The following PGCKA1 variants were observed in gnomAD, a reference collection of about 807,000 sequenced individuals.
PGCKA1 encodes the protein PDCD10 and GCKIII kinases associated 1.
chr4:37,590,968 A>G, the PGCKA1 span: 4 of 1,613,212 alleles, frequency 2.5e-6, no homozygotes, highest in Non-Finnish European at 3.4e-6. Context: ...AGAAGCTGCT[A>G]CTGCAGGAGA....
the PGCKA1 span, among the ~76,000 whole-genome samples, chr4:37,574,491 A>G: frequency 6.6e-5 from 10 of 152,170 alleles, no homozygotes; most frequent in Non-Finnish European, 1.3e-4. Flanking sequence ...TACATGGTAT[A>G]TATATTTATG....
chr4:37,490,369 TTG>T, the PGCKA1 span, among the ~76,000 whole-genome samples: 2 of 152,136 alleles, frequency 1.3e-5, no homozygotes, highest in Non-Finnish European at 2.9e-5. Context: ...TACTTTCATA[TTG>T]GTATTTTTAA....
chr4:37,516,205 T>C, the PGCKA1 span, among the ~76,000 whole-genome samples: 1 of 152,250 alleles, frequency 6.6e-6, no homozygotes, highest in Non-Finnish European at 1.5e-5. Context: ...ATCTAAATCT[T>C]GTTCCTCTGA....
At chr4:37,454,497 C>T in the PGCKA1 span, among the ~76,000 whole-genome samples, 5 of 152,208 alleles carry the variant, frequency 3.3e-5, no homozygotes, top group Non-Finnish European at 7.3e-5. Flanking sequence ...AATGTGACCT[C>T]TGCTGTTTCT....
the PGCKA1 span, among the ~76,000 whole-genome samples, chr4:37,527,784 C>A: frequency 2.8e-3 from 426 of 151,290 alleles, 3 homozygotes; most frequent in African/African-American, 9.9e-3. Context: ...GAGCCGAGAT[C>A]GCACCACTGC....
At chr4:37,478,490 G>A in the PGCKA1 span, among the ~76,000 whole-genome samples, 6 of 152,150 alleles carry the variant, frequency 3.9e-5, no homozygotes, top group Non-Finnish European at 7.3e-5. Flanking sequence ...CCAAACAGAG[G>A]TTGGCCCTTA....
At chr4:37,560,318 T>C in the PGCKA1 span, among the ~76,000 whole-genome samples, 2 of 152,188 alleles carry the variant, frequency 1.3e-5, no homozygotes, top group African/African-American at 4.8e-5. Flanking sequence ...CCTAACCTTT[T>C]AGTGCAGGCT....
At chr4:37,483,312 G>T in the PGCKA1 span, among the ~76,000 whole-genome samples, 1 of 152,146 alleles carries the variant, frequency 6.6e-6, no homozygotes, top group Non-Finnish European at 1.5e-5. Flanking sequence ...CCCAGTCTCG[G>T]ATATGTCTTT....
At chr4:37,526,878 AT>A in the PGCKA1 span, among the ~76,000 whole-genome samples, 2 of 152,204 alleles carry the variant, frequency 1.3e-5, no homozygotes, top group African/African-American at 4.8e-5. Flanking sequence ...AAAAAAGTTG[AT>A]TGTAAAACAG....
At chr4:37,583,488 G>A in the PGCKA1 span, among the ~76,000 whole-genome samples, 1 of 151,608 alleles carries the variant, frequency 6.6e-6, no homozygotes, top group African/African-American at 2.4e-5. Flanking sequence ...CCAGGCTGGA[G>A]TGCAGTGGTG....
At chr4:37,487,771 C>T in the PGCKA1 span, among the ~76,000 whole-genome samples, 6 of 150,222 alleles carry the variant, frequency 4.0e-5, no homozygotes, top group Non-Finnish European at 8.8e-5. Flanking sequence ...TGTATGATTA[C>T]ATATATACAT....
At chr4:37,510,024 TG>T in the PGCKA1 span, among the ~76,000 whole-genome samples, 1 of 151,732 alleles carries the variant, frequency 6.6e-6, no homozygotes, top group African/African-American at 2.4e-5. Flanking sequence ...GGAGAGGGGT[TG>T]CATTTTTAAG....
At chr4:37,537,238 C>G in the PGCKA1 span, among the ~76,000 whole-genome samples, 1 of 152,286 alleles carries the variant, frequency 6.6e-6, no homozygotes, top group Non-Finnish European at 1.5e-5. Context: ...AAATCTGTCC[C>G]TAATATTTCC....
chr4:37,585,856 G>T, the PGCKA1 span, among the ~76,000 whole-genome samples: 1 of 151,874 alleles, frequency 6.6e-6, no homozygotes, highest in South Asian at 2.1e-4. Context: ...CTGTCTACGG[G>T]ACTGTTGTTG....
chr4:37,551,222 C>T, the PGCKA1 span, among the ~76,000 whole-genome samples: 1 of 152,194 alleles, frequency 6.6e-6, no homozygotes, highest in African/African-American at 2.4e-5. Context: ...CACCATTAAA[C>T]CATCTTTCTT....
the PGCKA1 span, chr4:37,590,144 G>A: frequency 1.2e-6 from 2 of 1,614,172 alleles, no homozygotes; most frequent in Non-Finnish European, 8.5e-7. Flanking sequence ...GAAGTCAACA[G>A]CTGCAAGCTA....
At chr4:37,574,176 A>AG in the PGCKA1 span, among the ~76,000 whole-genome samples, 1 of 148,700 alleles carries the variant, frequency 6.7e-6, no homozygotes, top group African/African-American at 2.5e-5. Context: ...TGACAGAGCA[A>AG]GACTCCATCT....
the PGCKA1 span, among the ~76,000 whole-genome samples, chr4:37,551,696 A>G: frequency 0.23 from 34,967 of 152,192 alleles, 4,473 homozygotes; most frequent in East Asian, 0.53. Flanking sequence ...AGTGTAGCAC[A>G]GATTCAACCC....
the PGCKA1 span, among the ~76,000 whole-genome samples, chr4:37,487,934 C>G: frequency 5.3e-5 from 8 of 152,070 alleles, no homozygotes; most frequent in Non-Finnish European, 8.8e-5. Flanking sequence ...TATGACTACA[C>G]CACAGTGTTT....
Sources: gnomAD v4.1 joint callset for allele counts (sites outside exome capture counted in the v4.1 genomes callset) on GRCh38, gnomAD v4.1.1 for gene constraint, MANE v1.5 for transcripts, NCBI Gene and HGNC (gene_info 2026-07-23, HGNC 2026-07-21) for gene names.